Variants in CABLES1 observed in about 807,000 individuals in gnomAD.
The protein encoded by CABLES1 is CDK5 and ABL1 enzyme substrate 1.
In CABLES1, 36 loss-of-function variants were observed where a neutral mutation model predicts 57.8. The observed-to-expected ratio is 0.62, with a 90% CI of 0.48 to 0.82. The LOEUF is 0.82. Among genes scored for constraint, CABLES1 ranks in the 40% least tolerant of loss-of-function variants. CABLES1 has a pLI of 0.00. For missense variants in CABLES1, 767 were observed against 836.6 expected, an observed-to-expected ratio of 0.92 and a Z score of 1.03; for synonymous variants, 374 against 363.0, an observed-to-expected ratio of 1.03 and a Z score of -0.35.
intron 4 of CABLES1, among the ~76,000 whole-genome samples, chr18:23,217,137 A>C (rs1309814572): frequency 6.6e-6 from 1 of 152,166 alleles, no homozygotes; most frequent in Non-Finnish European, 1.5e-5. Context: ...GCTGGAATGC[A>C]GTGGCACAAA....
At chr18:23,236,190 CA>C (rs2145084183) in intron 6 of CABLES1, 139 bp downstream of exon 6, 7 of 903,644 alleles carry the variant, frequency 7.7e-6, no homozygotes, top group Non-Finnish European at 1.2e-5. Context: ...AGCCTGATCT[CA>C]AGCCATGCAG....
At chr18:23,141,846 G>A (rs1277295375) in intron 1 of CABLES1, among the ~76,000 whole-genome samples, 205 of 152,184 alleles carry the variant, frequency 1.3e-3, no homozygotes, top group Non-Finnish European at 4.0e-4. Flanking sequence ...AGGAAGCGCC[G>A]ATGCCTGGAC....
chr18:23,134,782 C>T (rs570291752), upstream of CABLES1: 4 of 152,234 alleles, frequency 2.6e-5, no homozygotes, highest in Admixed American at 1.3e-4. Flanking sequence ...AGTGACAATA[C>T]CATGGATTGG....
intron 1 of CABLES1, among the ~76,000 whole-genome samples, chr18:23,173,162 G>A (rs1326300681): frequency 6.6e-6 from 1 of 152,200 alleles, no homozygotes; most frequent in African/African-American, 2.4e-5. Context: ...CGGCTCTGAT[G>A]GGTGGCTGGG....
chr18:23,188,017 A>G (rs2047215036), intron 1 of CABLES1, among the ~76,000 whole-genome samples: 1 of 152,220 alleles, frequency 6.6e-6, no homozygotes, highest in Non-Finnish European at 1.5e-5. Flanking sequence ...GGAACAACCC[A>G]AACTTTTTCA....
intron 4 of CABLES1, among the ~76,000 whole-genome samples, chr18:23,215,189 A>G (rs1433763826): frequency 1.3e-5 from 2 of 152,172 alleles, no homozygotes; most frequent in Non-Finnish European, 2.9e-5. Flanking sequence ...AAAAAGTAGC[A>G]GCAAATCCTG....
chr18:23,151,291 T>A (rs2046928760), intron 1 of CABLES1, among the ~76,000 whole-genome samples: 1 of 152,180 alleles, frequency 6.6e-6, no homozygotes, highest in Non-Finnish European at 1.5e-5. Context: ...GTGCTGGGAT[T>A]ACATGCGTGA....
chr18:23,210,613 G>A (rs556987905), intron 3 of CABLES1, among the ~76,000 whole-genome samples: 1 of 152,258 alleles, frequency 6.6e-6, no homozygotes, highest in South Asian at 2.1e-4. Context: ...TGATCACATG[G>A]GACCTGTTAT....
chr18:23,192,560 C>T (rs898625110), intron 2 of CABLES1, among the ~76,000 whole-genome samples: 2 of 152,132 alleles, frequency 1.3e-5, no homozygotes, highest in South Asian at 2.1e-4. Flanking sequence ...CGCCTGAACC[C>T]GCACACTGTC....
intron 1 of CABLES1, among the ~76,000 whole-genome samples, chr18:23,144,941 T>TC (rs1351536474): frequency 6.6e-6 from 1 of 151,680 alleles, no homozygotes; most frequent in Non-Finnish European, 1.5e-5. Flanking sequence ...TTTCTTTCTT[T>TC]TTTTTTTTCT....
At chr18:23,242,692 C>A (rs45602738) in intron 7 of CABLES1, among the ~76,000 whole-genome samples, 1,884 of 150,718 alleles carry the variant, frequency 0.013, 13 homozygotes, top group African/African-American at 0.024. Context: ...GTGTTCACAT[C>A]AAAAAGAAAA....
chr18:23,205,276 C>T (rs568666836), intron 3 of CABLES1, among the ~76,000 whole-genome samples: 2 of 150,548 alleles, frequency 1.3e-5, no homozygotes, highest in Non-Finnish European at 2.9e-5. Flanking sequence ...CAACTGCAGC[C>T]TCCATCTCCT....
chr18:23,167,604 G>A lies in CABLES1; in HGVS notation c.846-21234G>A, dbSNP rs146397879. Among the ~76,000 whole-genome samples the A allele has an allele frequency of 3.4e-3, 518 of 152,260 alleles. 3 individuals are homozygous for A. The highest frequency in any genetic ancestry group is 6.8e-3 in the Admixed American group (104 of 15,280). ...TCAGACATTCAGCAGCATTTACTGT[G>A]CACCTAATATGAGTTACAGCCCTGG... is the stretch of plus-strand genomic sequence containing the variant. On this transcript the variant is annotated intron_variant, in intron 1 of 9. Coordinates refer to ENST00000256925, the MANE Select transcript of CABLES1 (RefSeq NM_001100619.3).
At chr18:23,191,430 G>A (rs2047242072) in intron 2 of CABLES1, among the ~76,000 whole-genome samples, 1 of 152,132 alleles carries the variant, frequency 6.6e-6, no homozygotes, top group South Asian at 2.1e-4. Flanking sequence ...TGTCTCTGGG[G>A]CCTCAGTTTT....
chr18:23,226,693 G>T (rs1173383245), intron 4 of CABLES1, among the ~76,000 whole-genome samples: 1 of 152,174 alleles, frequency 6.6e-6, no homozygotes, highest in Non-Finnish European at 1.5e-5. Context: ...TGCAGGTGTT[G>T]TATGGAGAAC....
At chr18:23,218,700 C>G (rs1158416515) in intron 4 of CABLES1, among the ~76,000 whole-genome samples, 1 of 152,208 alleles carries the variant, frequency 6.6e-6, no homozygotes, top group Admixed American at 6.5e-5. Context: ...ACCATGGCCT[C>G]CACATTTTGT....
chr18:23,257,041 T>C (rs971920405), intron 9 of CABLES1, 186 bp from the exon 10 acceptor site: 1 of 619,040 alleles, frequency 1.6e-6, no homozygotes, highest in African/African-American at 1.9e-5. Flanking sequence ...AAGGAGCAGC[T>C]CCTTCACAAC....
chr18:23,185,518 G>A (rs1162853645), intron 1 of CABLES1, among the ~76,000 whole-genome samples: 2 of 152,146 alleles, frequency 1.3e-5, no homozygotes, highest in Non-Finnish European at 2.9e-5. Context: ...TGCATGGAGA[G>A]GTGAACCTGC....
intron 4 of CABLES1, among the ~76,000 whole-genome samples, chr18:23,216,305 G>C (rs138753937): frequency 1.4e-4 from 22 of 152,166 alleles, no homozygotes; most frequent in African/African-American, 5.3e-4. Context: ...CTTTGGGCCA[G>C]AATGGGGGTT....
Sources: allele counts gnomAD v4.1 joint callset (sites outside exome capture counted in the v4.1 genomes callset), GRCh38; gene constraint gnomAD v4.1.1; transcripts MANE v1.5; gene names NCBI Gene and HGNC (gene_info 2026-07-23, HGNC 2026-07-21).